Variants in SCNN1B observed in about 807,000 individuals in gnomAD.
SCNN1B encodes epithelial sodium channel subunit beta.
A neutral mutation model predicts 65.3 loss-of-function variants in SCNN1B; 46 were observed. The observed-to-expected ratio is 0.70, with a 90% CI of 0.56 to 0.90. The LOEUF is 0.90. Among genes scored for constraint, SCNN1B ranks in the 40% least tolerant of loss-of-function variants. SCNN1B has a pLI of 0.00. For missense variants in SCNN1B, 751 were observed against 830.5 expected, an observed-to-expected ratio of 0.90 and a Z score of 1.18; for synonymous variants, 349 against 330.6, an observed-to-expected ratio of 1.06 and a Z score of -0.60.
chr16:23,355,310 C>T lies in SCNN1B; in HGVS notation c.597C>T (p.Asn199=). The change falls in exon 4 of 13, where the codon AAC becomes AAT. Residue 199 remains asparagine, a synonymous_variant. Transcript: ENST00000343070. The part of the protein sequence containing the change: ...CKMAMRLCSL[N]RTQCTFRNFT... The stretch of plus-strand genomic sequence containing the variant: ...CTTGGCCTCCACAGTGTAGCCTCAA[C>T]AGGACCCAGTGTACCTTCCGGAACT... The T allele has an allele frequency of 6.2e-7, 1 of 1,614,214 alleles. No homozygotes were observed. Among genetic ancestry groups the T allele is most frequent in the Non-Finnish European group, 8.5e-7 (1 of 1,180,026 alleles).
At chr16:23,278,940 T>C (rs1960744180) in intron 1 of SCNN1B, among the ~76,000 whole-genome samples, 1 of 145,948 alleles carries the variant, frequency 6.9e-6, no homozygotes, top group Non-Finnish European at 1.5e-5. Context: ...AACTTGCCTC[T>C]AAAAAAATAA....
intron 1 of SCNN1B, among the ~76,000 whole-genome samples, chr16:23,347,780 A>C (rs1180777353): frequency 6.6e-6 from 1 of 152,194 alleles, no homozygotes; most frequent in African/African-American, 2.4e-5. Flanking sequence ...GGTGGTGTGC[A>C]TGCCTATAAT....
chr16:23,373,023 C>T (rs1041257845), intron 7 of SCNN1B, among the ~76,000 whole-genome samples: 11 of 152,132 alleles, frequency 7.2e-5, no homozygotes, highest in Admixed American at 3.9e-4. Flanking sequence ...AAGAGAATTG[C>T]TTGAACCCGG....
chr16:23,286,095 A>G (rs1473127306), intron 2 of SCNN1B, among the ~76,000 whole-genome samples: 3 of 152,220 alleles, frequency 2.0e-5, no homozygotes, highest in Non-Finnish European at 4.4e-5. Flanking sequence ...TCATCATTGG[A>G]GGCAGCTGTT....
Position 23,377,146 on chromosome 16 carries a change from C to T in SCNN1B, c.1271-19C>T, listed in dbSNP as rs748344079. ...AAGCCCCCTTAAACCTCTTGGCCGC[C>T]TTTCTGTCTCCTGCGCAGCCCATTG... On this transcript the variant is annotated intron_variant, in intron 8 of 12. Coordinates refer to ENST00000343070, the MANE Select transcript of SCNN1B (RefSeq NM_000336.3). The T allele has an allele frequency of 1.4e-5, 22 of 1,612,306 alleles. No individual in the cohort carries two copies. The highest frequency in any genetic ancestry group is 1.6e-4 in the Middle Eastern group (1 of 6,078).
chr16:23,373,015 G>A (rs931038346), intron 7 of SCNN1B, among the ~76,000 whole-genome samples: 1 of 152,026 alleles, frequency 6.6e-6, no homozygotes, highest in African/African-American at 2.4e-5. Context: ...GCTGAGGCAA[G>A]AGAATTGCTT....
chr16:23,372,066 G>A (rs995160636), intron 7 of SCNN1B, 183 bp downstream of exon 7: 1 of 659,622 alleles, frequency 1.5e-6, no homozygotes, highest in African/African-American at 1.8e-5. Context: ...CCAGGGCCTA[G>A]GGTTGGCCAC....
At chr16:23,307,584 T>C (rs942223455) in intron 1 of SCNN1B, among the ~76,000 whole-genome samples, 3 of 152,110 alleles carry the variant, frequency 2.0e-5, no homozygotes, top group Non-Finnish European at 4.4e-5. Context: ...ACTCCCAAAG[T>C]GCTGGGATTA....
At chr16:23,342,247 T>C (rs1470240840) in intron 1 of SCNN1B, among the ~76,000 whole-genome samples, 1 of 152,190 alleles carries the variant, frequency 6.6e-6, no homozygotes, top group Non-Finnish European at 1.5e-5. Context: ...CATTGTGCAA[T>C]TCCGTTTTTT....
At chr16:23,340,325 A>T (rs969028611) in intron 1 of SCNN1B, among the ~76,000 whole-genome samples, 8 of 152,178 alleles carry the variant, frequency 5.3e-5, no homozygotes, top group African/African-American at 1.9e-4. Flanking sequence ...GTTTCTTATG[A>T]TTCATGATTT....
At chr16:23,378,895 A>T in intron 11 of SCNN1B, 128 bp downstream of exon 11, 3 of 833,712 alleles carry the variant, frequency 3.6e-6, no homozygotes, top group Non-Finnish European at 6.0e-6. Context: ...GCAAGTCTTG[A>T]GGAGGAGGCA....
intron 1 of SCNN1B, among the ~76,000 whole-genome samples, chr16:23,339,856 C>T (rs1223458596): frequency 1.3e-5 from 2 of 151,986 alleles, no homozygotes; most frequent in Non-Finnish European, 2.9e-5. Context: ...TGTGAGCCAC[C>T]GCGCCTGGCA....
intron 7 of SCNN1B, among the ~76,000 whole-genome samples, chr16:23,373,133 AAG>A (rs1011380202): frequency 9.9e-5 from 15 of 151,956 alleles, no homozygotes; most frequent in Admixed American, 7.2e-4. Flanking sequence ...TAAAATAAAA[AAG>A]AGAGACAGGG....
Position 23,305,554 on chromosome 16 carries a change from ATATATATATATATATATATATAT to A in SCNN1B, c.-9+3140_-9+3162del, listed in dbSNP as rs1567290314. On this transcript the variant is annotated intron_variant, in intron 1 of 12. Coordinates refer to ENST00000343070, the MANE Select transcript of SCNN1B (RefSeq NM_000336.3). Reference sequence around the variant, plus strand: ...ATATATTATATATATATATATATATATATATATATATATATATATATATTATATATATATATATATATATAACC... The same window carrying A: ...ATATATTATATATATATATATATATATATATATATATATATATATATAACC... Among the ~76,000 whole-genome samples the A allele has an allele frequency of 1.5e-3, 57 of 38,740 alleles. 1 individual carries two copies. The highest frequency in any genetic ancestry group is 2.0e-3 in the African/African-American group (6 of 3,074). 25.4% of individuals were successfully genotyped at this position (38,740 alleles called of 152,430 possible). A position where few individuals can be genotyped will look rare whatever the true frequency, so the allele number is the denominator to read the frequency against.
chr16:23,287,519 C>T (rs925495126), intron 2 of SCNN1B, among the ~76,000 whole-genome samples: 3 of 151,856 alleles, frequency 2.0e-5, no homozygotes, highest in Non-Finnish European at 4.4e-5. Flanking sequence ...CAAGACCAGC[C>T]TGGGCAATAG....
upstream of SCNN1B, among the ~76,000 whole-genome samples, chr16:23,298,722 C>G (rs1961031640): frequency 2.0e-5 from 3 of 152,196 alleles, no homozygotes; most frequent in South Asian, 6.2e-4. Flanking sequence ...AAAGGGGAAA[C>G]AAGTTGGTTT....
intron 7 of SCNN1B, among the ~76,000 whole-genome samples, chr16:23,372,971 G>A (rs1296102379): frequency 1.3e-5 from 2 of 151,836 alleles, no homozygotes; most frequent in Non-Finnish European, 2.9e-5. Context: ...GCCAGGCGTC[G>A]TGGCACACGC....
chr16:23,343,290 T>C (rs997199134), intron 1 of SCNN1B, among the ~76,000 whole-genome samples: 1 of 151,614 alleles, frequency 6.6e-6, no homozygotes, highest in Non-Finnish European at 1.5e-5. Context: ...CCGTCACTAT[T>C]AATAATACAA....
intron 10 of SCNN1B, among the ~76,000 whole-genome samples, 198 bp downstream of exon 10, chr16:23,377,584 C>T (rs62029390): frequency 2.0e-5 from 1 of 50,394 alleles, no homozygotes; most frequent in Admixed American, 2.1e-4. Flanking sequence ...CCCTTCCTCC[C>T]TCCCTTCTCC....
Sources: gnomAD v4.1 joint callset for allele counts (sites outside exome capture counted in the v4.1 genomes callset) on GRCh38, gnomAD v4.1.1 for gene constraint, MANE v1.5 for transcripts, NCBI Gene and HGNC (gene_info 2026-07-23, HGNC 2026-07-21) for gene names.